The following WWOX variants were observed in gnomAD, a reference collection of about 807,000 sequenced individuals.
The protein encoded by WWOX is WW domain-containing oxidoreductase.
WWOX carries 69 observed loss-of-function variants against 46.2 expected under a neutral mutation model. The observed-to-expected ratio is 1.49, with a 90% confidence interval of 1.23 to 1.82. The LOEUF is 1.82. Ranked by LOEUF, WWOX falls within the 40% of genes most tolerant of loss-of-function variation. WWOX has a pLI of 0.00. For missense variants in WWOX, 919 were observed against 542.6 expected, an observed-to-expected ratio of 1.69 and a Z score of -6.89; for synonymous variants, 359 against 202.6, an observed-to-expected ratio of 1.77 and a Z score of -6.56.
chr16:78,905,104 T>G (rs1368092595), intron 8 of WWOX, among the ~76,000 whole-genome samples: 2 of 152,186 alleles, frequency 1.3e-5, no homozygotes, highest in African/African-American at 2.4e-5. Context: ...TAAAACATAT[T>G]GCATAATGAG....
At chr16:78,351,605 G>A (rs1378676672) in intron 5 of WWOX, among the ~76,000 whole-genome samples, 1 of 152,178 alleles carries the variant, frequency 6.6e-6, no homozygotes, top group African/African-American at 2.4e-5. Flanking sequence ...AGCAGATGCT[G>A]GCTCTATATT....
intron 8 of WWOX, among the ~76,000 whole-genome samples, chr16:78,632,199 T>A (rs954484253): frequency 6.6e-6 from 1 of 152,150 alleles, no homozygotes; most frequent in Non-Finnish European, 1.5e-5. Context: ...AGAATGCCCC[T>A]GTCTTTCTGA....
At chr16:78,154,597 C>A (rs1226250949) in intron 4 of WWOX, among the ~76,000 whole-genome samples, 1 of 147,474 alleles carries the variant, frequency 6.8e-6, no homozygotes, top group Non-Finnish European at 1.5e-5. Context: ...TGCTGCCACT[C>A]AGTGACATTT....
intron 8 of WWOX, chr16:79,017,114 A>G (rs1597282026): frequency 6.6e-6 from 1 of 152,028 alleles, no homozygotes; most frequent in Non-Finnish European, 1.5e-5. Context: ...CTATCCATCC[A>G]TCTCTTGCCT....
intron 5 of WWOX, among the ~76,000 whole-genome samples, chr16:78,193,301 G>T (rs2035939358): frequency 6.6e-6 from 1 of 152,166 alleles, no homozygotes; most frequent in Admixed American, 6.5e-5. Context: ...TCTTGATATG[G>T]TTGCCACTTA....
chr16:78,772,840 G>A lies in WWOX; in HGVS notation c.1056+340088G>A, dbSNP rs79165748. ...TTGAGACCAGCCTGGACAACATAGC[G>A]TGAACTTGTATCTACTTAAAGTAAA... On this transcript the variant is annotated intron_variant, in intron 8 of 8. Coordinates refer to ENST00000566780, the MANE Select transcript of WWOX (RefSeq NM_016373.4). Among the ~76,000 whole-genome samples, 162 of 152,178 alleles carry A rather than the reference G, an allele frequency of 1.1e-3. 1 individual carries two copies. The highest frequency in any genetic ancestry group is 3.4e-3 in the Middle Eastern group (1 of 294).
At position 78,390,853 on chromosome 16, in the gene WWOX, C is replaced by A. The variant is rs188299719; in HGVS notation, c.605+3905C>A. Among the ~76,000 whole-genome samples the A allele has an allele frequency of 6.5e-4, 99 of 152,284 alleles. No individual in the cohort carries two copies. The Middle Eastern group carries it at 0.01, about 16-fold the overall frequency. ...GAACCAATCTCTTTTCACGCTGTTG[C>A]ATTGAGGAGAGGAAAAAATCCCTTA... On this transcript the variant is annotated intron_variant, in intron 6 of 8. Transcript: ENST00000566780.
Position 78,509,414 on chromosome 16 carries a change from T to G in WWOX, c.1056+76662T>G, listed in dbSNP as rs188497715. On this transcript the variant is annotated intron_variant, in intron 8 of 8. Coordinates refer to ENST00000566780, the MANE Select transcript of WWOX (RefSeq NM_016373.4). ...AGTTTGCACCACTGCATTCCAGCATTGGTGACAGAGCGAGACTCAGTCTCA... is the reference window on the plus strand; with the variant it reads ...AGTTTGCACCACTGCATTCCAGCATGGGTGACAGAGCGAGACTCAGTCTCA... 5.4e-3 allele frequency among the ~76,000 whole-genome samples: 816 copies of G among 150,172 alleles called. 1 individual carries two copies. Among genetic ancestry groups the G allele is most frequent in the Non-Finnish European group, 8.6e-3 (580 of 67,646 alleles).
chr16:78,960,820 T>C (rs1227872483), intron 8 of WWOX, among the ~76,000 whole-genome samples: 1 of 152,216 alleles, frequency 6.6e-6, no homozygotes, highest in African/African-American at 2.4e-5. Flanking sequence ...ACTAGCATCC[T>C]GTTTTACTGA....
intron 8 of WWOX, among the ~76,000 whole-genome samples, chr16:79,149,812 A>G (rs1182718326): frequency 6.6e-6 from 1 of 152,182 alleles, no homozygotes; most frequent in African/African-American, 2.4e-5. Context: ...TTCTGTTGGC[A>G]TGGATGCTCC....
At chr16:78,422,366 G>T (rs114974235) in intron 6 of WWOX, among the ~76,000 whole-genome samples, 2,150 of 149,270 alleles carry the variant, frequency 0.014, 43 homozygotes, top group African/African-American at 0.049. Flanking sequence ...TCTTTTTTTT[G>T]ATTTGGAAAC....
At position 78,679,259 on chromosome 16, in the gene WWOX, T is replaced by C. The variant is rs192807764; in HGVS notation, c.1056+246507T>C. On this transcript the variant is annotated intron_variant, in intron 8 of 8. Transcript: ENST00000566780. ...TGGCGTTGAGGTAGAGGTAGAAAGA[T>C]GGGTGAGGTGGCTGGGTGCAGTGGG... 1.1e-4 allele frequency among the ~76,000 whole-genome samples: 17 copies of C among 152,190 alleles called. No homozygotes were observed. The East Asian group carries it at 3.1e-3, about 28-fold the overall frequency.
chr16:78,479,892 G>A (rs772840132), intron 8 of WWOX, among the ~76,000 whole-genome samples: 1 of 152,152 alleles, frequency 6.6e-6, no homozygotes, highest in Non-Finnish European at 1.5e-5. Flanking sequence ...ATTGTTCACT[G>A]CCCCCTCCTG....
chr16:78,825,557 A>G (rs1280976786), intron 8 of WWOX: 6 of 531,616 alleles, frequency 1.1e-5, no homozygotes, highest in South Asian at 2.8e-5. Flanking sequence ...AGGTGGCCCC[A>G]GAGGTCTGTG....
At chr16:78,983,440 A>C (rs916941720) in intron 8 of WWOX, among the ~76,000 whole-genome samples, 2 of 152,212 alleles carry the variant, frequency 1.3e-5, no homozygotes, top group Non-Finnish European at 2.9e-5. Flanking sequence ...TTATCCATAA[A>C]ACTGAACAGG....
At chr16:78,829,627 C>G (rs899613301) in intron 8 of WWOX, among the ~76,000 whole-genome samples, 4 of 152,214 alleles carry the variant, frequency 2.6e-5, no homozygotes, top group Non-Finnish European at 5.9e-5. Flanking sequence ...AATCATCACA[C>G]CTTTCCCTTA....
rs538893902 is a variant in WWOX at position 79,025,820 on chromosome 16, C to T, written c.1057-185788C>T. On this transcript the variant is annotated intron_variant, in intron 8 of 8. Transcript: ENST00000566780. ...GCTTGCTTGCTTTTTTTTTTTGAGACGGAGTTTTGCTCTTGTCGCCTAGGC... is the reference window on the plus strand; with the variant it reads ...GCTTGCTTGCTTTTTTTTTTTGAGATGGAGTTTTGCTCTTGTCGCCTAGGC... Among the ~76,000 whole-genome samples the T allele has an allele frequency of 2.5e-3, 39 of 15,816 alleles. 1 individual carries two copies. Among genetic ancestry groups the T allele is most frequent in the East Asian group, 0.011 (2 of 186 alleles). The allele number at this position is 15,816 out of a possible 152,430, so 10.4% of individuals were successfully genotyped here. A position where few individuals can be genotyped will look rare whatever the true frequency, so the allele number is the denominator to read the frequency against.
intron 8 of WWOX, among the ~76,000 whole-genome samples, chr16:78,557,814 G>A (rs560150865): frequency 4.0e-5 from 6 of 149,910 alleles, no homozygotes; most frequent in African/African-American, 1.5e-4. Context: ...TCCTACGTCA[G>A]CCTCCTGAGT....
In WWOX at chr16:78,887,488, C is replaced by A. The variant is rs897515738; in HGVS notation, c.1057-324120C>A. On this transcript the variant is annotated intron_variant, in intron 8 of 8. Coordinates refer to ENST00000566780, the MANE Select transcript of WWOX (RefSeq NM_016373.4). ...TATAAAACACACACACACACACACA[C>A]ACACACACACACACACACACACACA... 6.9e-4 allele frequency among the ~76,000 whole-genome samples: 100 copies of A among 144,790 alleles called. 2 individuals carry two copies. Among genetic ancestry groups the A allele is most frequent in the African/African-American group, 2.6e-3 (98 of 38,042 alleles). The allele number at this position is 144,790 out of a possible 152,430, so 95.0% of individuals were successfully genotyped here. A position where few individuals can be genotyped will look rare whatever the true frequency, so the allele number is the denominator to read the frequency against.
Sources: allele counts gnomAD v4.1 joint callset (sites outside exome capture counted in the v4.1 genomes callset), GRCh38; gene constraint gnomAD v4.1.1; transcripts MANE v1.5; gene names NCBI Gene and HGNC (gene_info 2026-07-23, HGNC 2026-07-21).